HDAC7: variants seen among roughly 807,000 people sequenced by gnomAD.
HDAC7 encodes the protein histone deacetylase 7A.
A neutral mutation model predicts 115.5 loss-of-function variants in HDAC7; 26 were observed. The observed-to-expected ratio is 0.23, with a 90% CI of 0.16 to 0.31. HDAC7 has a LOEUF of 0.31. HDAC7 is among the 10% of genes least tolerant of loss of function. The probability of loss-of-function intolerance (pLI) is 1.00; values close to 1 mark genes in which losing one functional copy is unlikely to be tolerated. For missense variants in HDAC7, 1,068 were observed against 1,329.0 expected (o/e 0.80, Z 3.05); for synonymous variants, 564 against 550.9 (o/e 1.02, Z -0.33).
chr12:47,798,054 G>A lies in HDAC7; in HGVS notation c.461+54C>T, dbSNP rs978432279. On this transcript the variant is annotated intron_variant, in intron 5 of 25. Coordinates refer to ENST00000080059, the MANE Select transcript of HDAC7 (RefSeq NM_015401.5). The surrounding 1 kb of genome is among the most constrained non-coding windows in gnomAD (Gnocchi z 4.3). ...TGTGTGTGCTCATGGCTAACACGGG[G>A]GCGGGGGTGGAGGGTGCATGTGGGG... The A allele has an allele frequency of 7.9e-7, 1 of 1,267,392 alleles. No individual in the cohort carries two copies. The highest frequency in any genetic ancestry group is 1.2e-6 in the Non-Finnish European group (1 of 863,996). The allele number at this position is 1,267,392 out of a possible 1,614,324, so 78.5% of individuals were successfully genotyped here. A position where few individuals can be genotyped will look rare whatever the true frequency, so the allele number is the denominator to read the frequency against.
chr12:47,787,239 G>A (rs1323459087), intron 21 of HDAC7, among the ~76,000 whole-genome samples: 1 of 53,090 alleles, frequency 1.9e-5, no homozygotes, highest in African/African-American at 8.2e-5. Flanking sequence ...CCTCTTCCAG[G>A]CCCCCCCCCA....
Position 47,783,709 on chromosome 12 carries a change from A to G in HDAC7, c.*132T>C. ...CGCTCCCTGGGATAACTGTCAAAGC[A>G]GGCAGGCTGTTCTCTGGTTCCAACT... On this transcript the variant is annotated 3_prime_UTR_variant, in exon 26 of 26. Transcript: ENST00000080059. The G allele has an allele frequency of 1.1e-6, 1 of 873,744 alleles. No individual in the cohort carries two copies. Among genetic ancestry groups the G allele is most frequent in the East Asian group, 2.6e-5 (1 of 38,254 alleles). 54.1% of individuals were successfully genotyped at this position (873,744 alleles called of 1,614,324 possible). A position where few individuals can be genotyped will look rare whatever the true frequency, so the allele number is the denominator to read the frequency against.
chr12:47,808,232 C>T (rs913344537), intron 1 of HDAC7, among the ~76,000 whole-genome samples: 2 of 152,164 alleles, frequency 1.3e-5, no homozygotes, highest in African/African-American at 2.4e-5. Context: ...GCAGGATGTC[C>T]GGTTTGGAGT....
rs186859823 is a variant in HDAC7, at chr12:47,801,410, A to G, written c.70+814T>C. On this transcript the variant is annotated intron_variant, in intron 2 of 25. Transcript: ENST00000080059. The stretch of plus-strand genomic sequence containing the variant: ...GACAGAACTCATTAATGATTCTTGA[A>G]CAAATGGATAAACTCATGAATCAGT... Among the ~76,000 whole-genome samples the G allele has an allele frequency of 1.3e-3, 200 of 152,368 alleles. 1 individual carries two copies. Among genetic ancestry groups the G allele is most frequent in the African/African-American group, 4.6e-3 (190 of 41,576 alleles).
intron 13 of HDAC7, 71 bp from the exon 14 acceptor site, chr12:47,792,075 C>T (rs1048933316): frequency 8.1e-6 from 12 of 1,485,854 alleles, no homozygotes; most frequent in South Asian, 7.9e-5. Flanking sequence ...GCAGAGAACA[C>T]GCCAGCACCG....
At chr12:47,805,800 G>C (rs1944376671) in intron 1 of HDAC7, among the ~76,000 whole-genome samples, 1 of 152,162 alleles carries the variant, frequency 6.6e-6, no homozygotes, top group African/African-American at 2.4e-5. Flanking sequence ...GTCCAGCCAG[G>C]CCAGGCCAGA....
chr12:47,813,546 TGA>T (rs1944759450), intron 1 of HDAC7: 1 of 152,148 alleles, frequency 6.6e-6, no homozygotes, highest in African/African-American at 2.4e-5. Context: ...ATCCCCAGGG[TGA>T]GAGGCTGACC....
In HDAC7 at chr12:47,798,986, G is replaced by A. The variant is rs572279735; in HGVS notation, c.71-14C>T. 22 of 1,475,836 alleles carry A rather than the reference G, an allele frequency of 1.5e-5. No homozygotes were observed. The Admixed American group carries it at 5.7e-4, about 38-fold the overall frequency. The allele number at this position is 1,475,836 out of a possible 1,614,324, so 91.4% of individuals were successfully genotyped here. ...GCCTGGGGCAGCCTAGGGACAGAGA[G>A]AGGGAGCAGGGTAAACTGGAAAGTT... On this transcript the variant is annotated splice_polypyrimidine_tract_variant and intron_variant, in intron 2 of 25. Coordinates refer to ENST00000080059, the MANE Select transcript of HDAC7 (RefSeq NM_015401.5). The surrounding 1 kb of genome is among the most constrained non-coding windows in gnomAD (Gnocchi z 4.3).
chr12:47,796,427 T>TTTTC lies in HDAC7; in HGVS notation c.704-130_704-129insGAAA, dbSNP rs1353044363. On this transcript the variant is annotated intron_variant, in intron 7 of 25. Transcript: ENST00000080059. ...ACGAGCACCTTTGCTTCCTGCTTTCTTTTTTTTTTTTTTTGAGACAGAGTC... is the reference window on the plus strand; with the variant it reads ...ACGAGCACCTTTGCTTCCTGCTTTCTTTTCTTTTTTTTTTTTTTGAGACAGAGTC... The TTTTC allele has an allele frequency of 5.8e-5, 8 of 138,712 alleles. No individual in the cohort carries two copies. In the South Asian group the frequency reaches 1.3e-3, roughly 23 times the overall value. The allele number at this position is 138,712 out of a possible 1,614,324, so 8.6% of individuals were successfully genotyped here.
intron 1 of HDAC7, among the ~76,000 whole-genome samples, chr12:47,810,333 G>A (rs1451935000): frequency 6.6e-6 from 1 of 152,244 alleles, no homozygotes; most frequent in East Asian, 1.9e-4. Context: ...CAGATGGTAT[G>A]TGGAGCTGCT....
chr12:47,785,484 G>C lies in HDAC7; in HGVS notation c.2707-13C>G. 1 of 1,604,144 alleles carries C rather than the reference G, an allele frequency of 6.2e-7. No homozygotes were observed. Among genetic ancestry groups the C allele is most frequent in the Non-Finnish European group, 8.5e-7 (1 of 1,174,692 alleles). On this transcript the variant is annotated splice_polypyrimidine_tract_variant and intron_variant, in intron 23 of 25. Coordinates refer to ENST00000080059, the MANE Select transcript of HDAC7 (RefSeq NM_015401.5). The stretch of plus-strand genomic sequence containing the variant: ...AAAGGGGATCCACCTATAGAAAACA[G>C]TACATCAGCCACCAGTCTCTCAGGG...
At position 47,787,804 on chromosome 12, in the gene HDAC7, C is replaced by A. The variant is rs942479414; in HGVS notation, c.2361G>T (p.Gly787=). The change falls in exon 21 of 26, where the codon GGG becomes GGT. Residue 787 remains glycine, a synonymous_variant. Coordinates refer to ENST00000080059, the MANE Select transcript of HDAC7 (RefSeq NM_015401.5). ...FPGSGAVDEV[G]AGSGEGFNVN... is the part of the protein sequence containing the mutation. ...CATTGAAGCCCTCACCGCTGCCAGC[C>A]CCTACCTGGAAAACAGGAGGCAAGA... 2.5e-6 allele frequency: 4 copies of A among 1,611,812 alleles called. No individual in the cohort carries two copies. The highest frequency in any genetic ancestry group is 1.3e-5 in the African/African-American group (1 of 74,992).
chr12:47,820,692 C>G (rs916534451), upstream of HDAC7: 2 of 152,174 alleles, frequency 1.3e-5, no homozygotes, highest in African/African-American at 4.8e-5. This position sits in a 1 kb window ranked among gnomAD's most constrained non-coding sequence, Gnocchi z 4.3. Flanking sequence ...TCCTCTTCCT[C>G]TCTTCCTCCC....
intron 13 of HDAC7, 43 bp from the exon 14 acceptor site, chr12:47,792,047 C>G (rs74530434): frequency 6.4e-7 from 1 of 1,555,280 alleles, no homozygotes; most frequent in Non-Finnish European, 8.7e-7. Context: ...GGAGTCCTCA[C>G]GCCCCATGGC....
At chr12:47,789,187 G>C (rs959550883) in intron 19 of HDAC7, 74 bp downstream of exon 19, 19 of 1,135,556 alleles carry the variant, frequency 1.7e-5, no homozygotes, top group Non-Finnish European at 2.4e-5. Context: ...ACATGAAGCC[G>C]CATCTCTAAC....
intron 16 of HDAC7, 195 bp downstream of exon 16, chr12:47,791,064 G>C (rs911754442): frequency 2.2e-5 from 14 of 623,582 alleles, no homozygotes; most frequent in African/African-American, 1.3e-4. Flanking sequence ...GCATTCGGGG[G>C]AGACTGTGGG....
In HDAC7 at chr12:47,795,113, C is replaced by A. The variant is rs1300432431; in HGVS notation, c.1284+71G>T. On this transcript the variant is annotated intron_variant, in intron 11 of 25. Transcript: ENST00000080059. This position sits in a 1 kb window ranked among gnomAD's most constrained non-coding sequence, Gnocchi z 4.3. ...CCAGTTCCCTGCCCTTTCTAAGTAC[C>A]CCTCTTCTTTTGGCCCCTAAGTCCC... 25 of 1,389,304 alleles carry A rather than the reference C, an allele frequency of 1.8e-5. No individual in the cohort carries two copies. Among genetic ancestry groups the A allele is most frequent in the Non-Finnish European group, 2.5e-5 (25 of 998,116 alleles). The allele number at this position is 1,389,304 out of a possible 1,614,324, so 86.1% of individuals were successfully genotyped here.
Position 47,795,044 on chromosome 12 carries a change from T to C in HDAC7, c.1285-111A>G, listed in dbSNP as rs1342990112. The C allele has an allele frequency of 2.3e-5, 31 of 1,327,820 alleles. No individual in the cohort carries two copies. Among genetic ancestry groups the C allele is most frequent in the Non-Finnish European group, 2.9e-5 (28 of 951,942 alleles). The allele number at this position is 1,327,820 out of a possible 1,614,324, so 82.3% of individuals were successfully genotyped here. A position where few individuals can be genotyped will look rare whatever the true frequency, so the allele number is the denominator to read the frequency against. On this transcript the variant is annotated intron_variant, in intron 11 of 25. Transcript: ENST00000080059. This position sits in a 1 kb window ranked among gnomAD's most constrained non-coding sequence, Gnocchi z 4.3. ...CATCTTGCTAGGACTCCAGCTGCCA[T>C]GCAGCTCTGGGCCCCAAGAAGCCAC...
chr12:47,797,785 C>T lies in HDAC7; in HGVS notation c.462-286G>A, dbSNP rs868620266. Among the ~76,000 whole-genome samples, 29 of 151,506 alleles carry T rather than the reference C, an allele frequency of 1.9e-4. No individual in the cohort carries two copies. The highest frequency in any genetic ancestry group is 3.4e-3 in the Middle Eastern group (1 of 292). On this transcript the variant is annotated intron_variant, in intron 5 of 25. Transcript: ENST00000080059. This position sits in a 1 kb window ranked among gnomAD's most constrained non-coding sequence, Gnocchi z 5.5. The stretch of plus-strand genomic sequence containing the variant: ...CTGCACTAGGAACCTGCTCTGGGAA[C>T]CAGGACATTTTTGCGCTCAGGGAAA...
Sources: gnomAD v4.1 joint callset for allele counts (sites outside exome capture counted in the v4.1 genomes callset) on GRCh38, gnomAD v4.1.1 for gene constraint, Gnocchi (gnomAD v3.1) non-coding constraint, MANE v1.5 for transcripts, NCBI Gene and HGNC (gene_info 2026-07-23, HGNC 2026-07-21) for gene names.